The following ZNF526 variants were observed in gnomAD, a reference collection of about 807,000 sequenced individuals.
ZNF526 encodes the protein zinc finger protein 526.
Under a neutral mutation model 32.4 loss-of-function variants are expected in ZNF526, and 16 were observed. That is an observed-to-expected ratio of 0.49 (90% confidence interval 0.33 to 0.75). The LOEUF (loss-of-function observed/expected upper bound fraction) is 0.75, where lower values mean the gene tolerates loss of function less well. Ranked by LOEUF, ZNF526 falls within the 30% of genes least tolerant of loss-of-function variation. The pLI is 0.02. For synonymous variants in ZNF526, 355 were observed against 363.4 expected (o/e 0.98, Z 0.26); for missense variants, 838 against 920.7 (o/e 0.91, Z 1.16).
chr19:42,221,984 T>C (rs995461718), intron 1 of ZNF526, among the ~76,000 whole-genome samples: 6 of 152,006 alleles, frequency 3.9e-5, no homozygotes. Context: ...TCTCAGTCAC[T>C]AAATATGTAC....
chr19:42,225,228 C>CGGG lies in ZNF526; in HGVS notation c.827_829dup (p.Gly276dup), dbSNP rs1014441855. On this transcript the variant is annotated inframe_insertion, in exon 3 of 3. Transcript: ENST00000301215. ...CCACAGCTGGCTGGGCTCAGGGCTG[C>CGGG]GGGGACTGTCCCCAGCACCAGCCCT... is the stretch of plus-strand genomic sequence containing the variant. 1 of 1,613,994 alleles carries CGGG rather than the reference C, an allele frequency of 6.2e-7. No individual in the cohort carries two copies.
In ZNF526 at chr19:42,225,096, GGAGGAGGAGGAAGAGGACGAT is replaced by G; in HGVS notation, c.702_722del (p.Glu234_Glu240del). ...TAGAGAAAGAGGAGCGCAATGGGTT[GGAGGAGGAGGAAGAGGACGAT>G]GAGGAGGATGAAGAAGATGATGAAG... is the stretch of plus-strand genomic sequence containing the variant. On this transcript the variant is annotated inframe_deletion, in exon 3 of 3. Coordinates refer to ENST00000301215, the MANE Select transcript of ZNF526 (RefSeq NM_133444.3). The G allele has an allele frequency of 6.2e-7, 1 of 1,614,134 alleles. No homozygotes were observed. The highest frequency in any genetic ancestry group is 1.3e-5 in the African/African-American group (1 of 75,030).
intron 1 of ZNF526, among the ~76,000 whole-genome samples, chr19:42,221,844 C>G (rs1365210009): frequency 6.6e-6 from 1 of 150,620 alleles, no homozygotes; most frequent in Non-Finnish European, 1.5e-5. Context: ...AAAAAAACCT[C>G]TCAAGGTCTC....
At chr19:42,228,201 TAA>T (rs375259927), downstream of ZNF526, 54 of 134,740 alleles carry the variant, frequency 4.0e-4, no homozygotes, top group Admixed American at 6.0e-4. Context: ...CCCTGTCACT[TAA>T]AAAAAAAAAA....
At chr19:42,221,747 G>GC (rs2036125920) in intron 1 of ZNF526, among the ~76,000 whole-genome samples, 1 of 151,696 alleles carries the variant, frequency 6.6e-6, no homozygotes, top group Non-Finnish European at 1.5e-5. Flanking sequence ...AGTCCAGGAG[G>GC]TGGAGGCCTC....
chr19:42,225,643 G>A lies in ZNF526; in HGVS notation c.1240G>A (p.Gly414Arg), dbSNP rs139652840. The change falls in exon 3 of 3, where the codon GGG (glycine) becomes AGG (arginine). Residue 414 changes from glycine (G) to arginine (R), a missense_variant. Gly to Arg is a moderately radical substitution (Grantham distance 125, BLOSUM62 -2). Transcript: ENST00000301215. The part of the protein sequence containing the change: ...YHRRTHAGKS[G>R]APPTGATAPP... The stretch of plus-strand genomic sequence containing the variant: ...CCGGCGCACTCACGCCGGCAAAAGC[G>A]GGGCACCTCCCACAGGAGCAACAGC... 1.6e-4 allele frequency: 256 copies of A among 1,612,688 alleles called. No individual in the cohort carries two copies. Among genetic ancestry groups the A allele is most frequent in the Non-Finnish European group, 2.1e-4 (247 of 1,179,178 alleles).
At position 42,224,969 on chromosome 19, in the gene ZNF526, C is replaced by T. The variant is rs150807158; in HGVS notation, c.566C>T (p.Pro189Leu). ...PPTPLPPPSP[P>L]SEVKMEPYEC... ...ACACCACTGCCTCCACCTTCTCCCC[C>T]ATCCGAAGTCAAGATGGAGCCCTAT... Residue 189 changes from proline to leucine, a missense_variant, in exon 3 of 3, where the codon CCA (proline) becomes CTA (leucine). Coordinates refer to ENST00000301215, the MANE Select transcript of ZNF526 (RefSeq NM_133444.3). 0.012 allele frequency: 18,837 copies of T among 1,614,236 alleles called. 139 individuals carry two copies. Among genetic ancestry groups the T allele is most frequent in the Non-Finnish European group, 0.014 (17,069 of 1,180,044 alleles).
At position 42,226,549 on chromosome 19, in the gene ZNF526, C is replaced by G; in HGVS notation, c.*133C>G. ...CAGGATCCACCCTGGCCTCTTTTTACCCACTGACTCCCCAGAACAACCCTT... is the reference window on the plus strand; with the variant it reads ...CAGGATCCACCCTGGCCTCTTTTTAGCCACTGACTCCCCAGAACAACCCTT... On this transcript the variant is annotated 3_prime_UTR_variant, in exon 3 of 3. Transcript: ENST00000301215. 1 of 1,170,626 alleles carries G rather than the reference C, an allele frequency of 8.5e-7. No homozygotes were observed. The highest frequency in any genetic ancestry group is 1.3e-5 in the South Asian group (1 of 78,394). 72.5% of individuals were successfully genotyped at this position (1,170,626 alleles called of 1,614,324 possible).
Position 42,224,721 on chromosome 19 carries a change from G to C in ZNF526, c.318G>C (p.Gly106=). Residue 106 remains glycine, a synonymous_variant, in exon 3 of 3, where the codon GGG becomes GGC. Coordinates refer to ENST00000301215, the MANE Select transcript of ZNF526 (RefSeq NM_133444.3). ...CGGAGCTGGTGCCGGGTGCTGAGGG[G>C]CCCTTCCAGTGTGGTGAATGCAGCC... The part of the protein sequence containing the change: ...LEPELVPGAE[G]PFQCGECSQL... 1 of 1,614,120 alleles carries C rather than the reference G, an allele frequency of 6.2e-7. No individual in the cohort carries two copies. Among genetic ancestry groups the C allele is most frequent in the South Asian group, 1.1e-5 (1 of 91,072 alleles).
chr19:42,227,037 G>A lies in ZNF526; in HGVS notation c.*621G>A, dbSNP rs149936817. On this transcript the variant is annotated 3_prime_UTR_variant, in exon 3 of 3. Transcript: ENST00000301215. Reference sequence around the variant, plus strand: ...CTGGTAGGAGAAACGCACAAGTACAGATAGCTTGCTCTCTGAGTGTGTCTC... The same window carrying A: ...CTGGTAGGAGAAACGCACAAGTACAAATAGCTTGCTCTCTGAGTGTGTCTC... The A allele has an allele frequency of 9.5e-4, 180 of 189,472 alleles. 1 individual carries two copies. The highest frequency in any genetic ancestry group is 4.2e-3 in the African/African-American group (175 of 41,996). 11.7% of individuals were successfully genotyped at this position (189,472 alleles called of 1,614,324 possible). A position where few individuals can be genotyped will look rare whatever the true frequency, so the allele number is the denominator to read the frequency against.
In ZNF526 at chr19:42,226,043, G is replaced by A. The variant is rs138398555; in HGVS notation, c.1640G>A (p.Arg547Gln). The change falls in exon 3 of 3, where the codon CGG becomes CAG. Residue 547 changes from arginine (R) to glutamine (Q), a missense_variant. Arg to Gln is a conservative substitution (Grantham distance 43). Coordinates refer to ENST00000301215, the MANE Select transcript of ZNF526 (RefSeq NM_133444.3). Reference sequence around the variant, plus strand: ...CAGAGCTCCAACCTGCAGCAGCACCGGCGGTTGCACTTGCGGCCAGTCGCC... The same window carrying A: ...CAGAGCTCCAACCTGCAGCAGCACCAGCGGTTGCACTTGCGGCCAGTCGCC... ...FTQSSNLQQH[R>Q]RLHLRPVAFA... is the part of the protein sequence containing the mutation. 2.7e-5 allele frequency: 43 copies of A among 1,611,740 alleles called. No homozygotes were observed. Among genetic ancestry groups the A allele is most frequent in the Middle Eastern group, 1.6e-4 (1 of 6,084 alleles).
At chr19:42,224,148 G>GC (rs1445126150) in intron 1 of ZNF526, 67 bp from the exon 2 acceptor site, 1 of 468,376 alleles carries the variant, frequency 2.1e-6, no homozygotes, top group African/African-American at 2.0e-5. Flanking sequence ...GACAGACCAA[G>GC]TCTCTGTCTC....
intron 1 of ZNF526, among the ~76,000 whole-genome samples, chr19:42,224,002 T>TATATATATATATATATATATATAC (rs1491246187): frequency 1.3e-4 from 16 of 126,236 alleles, no homozygotes; most frequent in Admixed American, 4.1e-4. Flanking sequence ...TATATATATA[T>TATATATATATATATATATATATAC]ACAAAAATTA....
rs2036192541 is a variant in ZNF526, at chr19:42,227,602, C to A, written c.*1186C>A. 5 of 154,238 alleles carry A rather than the reference C, an allele frequency of 3.2e-5. No homozygotes were observed. Among genetic ancestry groups the A allele is most frequent in the Admixed American group, 2.6e-4 (4 of 15,278 alleles). 9.6% of individuals were successfully genotyped at this position (154,238 alleles called of 1,614,324 possible). On this transcript the variant is annotated 3_prime_UTR_variant, in exon 3 of 3. Transcript: ENST00000301215. ...TGAAACCCCGTCTCTACTAAAAATA[C>A]AAAAAATTAGCCAGGAGTGGTGGCG...
Position 42,224,296 on chromosome 19 carries a change from G to C in ZNF526, c.-27G>C, listed in dbSNP as rs2036150679. On this transcript the variant is annotated 5_prime_UTR_variant, in exon 2 of 3. Coordinates refer to ENST00000301215, the MANE Select transcript of ZNF526 (RefSeq NM_133444.3). The stretch of plus-strand genomic sequence containing the variant: ...GAAACAGTGGATTAAGACTTCCTGA[G>C]CGATAGCTGGTGAGTAGTGGGATGT... 1 of 932,970 alleles carries C rather than the reference G, an allele frequency of 1.1e-6. No homozygotes were observed. Among genetic ancestry groups the C allele is most frequent in the Admixed American group, 1.9e-5 (1 of 52,564 alleles). 57.8% of individuals were successfully genotyped at this position (932,970 alleles called of 1,614,324 possible). A position where few individuals can be genotyped will look rare whatever the true frequency, so the allele number is the denominator to read the frequency against.
At position 42,226,405 on chromosome 19, in the gene ZNF526, G is replaced by C. The variant is rs758206052; in HGVS notation, c.2002G>C (p.Ala668Pro). The C allele has an allele frequency of 3.0e-5, 49 of 1,614,074 alleles. 2 individuals carry two copies. The Middle Eastern group carries it at 8.2e-4, about 27-fold the overall frequency. Residue 668 changes from alanine to proline, a missense_variant, in exon 3 of 3, where the codon GCC becomes CCC. Ala to Pro is a conservative substitution (Grantham distance 27). Transcript: ENST00000301215. ...EAGGLLQLDT[A>P]FV ...AGGCGGGCTCTTGCAGTTGGACACG[G>C]CCTTCGTGTGACGCAGCTGAAAAGC...
chr19:42,224,341 C>A, intron 2 of ZNF526, 36 bp downstream of exon 2: 1 of 1,442,598 alleles, frequency 6.9e-7, no homozygotes, highest in South Asian at 1.1e-5. Context: ...TTCCACCTCC[C>A]CTTGGTTTCC....
At chr19:42,223,924 A>G (rs1464715220) in intron 1 of ZNF526, among the ~76,000 whole-genome samples, 1 of 146,150 alleles carries the variant, frequency 6.8e-6, no homozygotes, top group Non-Finnish European at 1.5e-5. Flanking sequence ...ACCTGAGGTC[A>G]GGAGTTCAAG....
chr19:42,223,974 A>AATATATAT lies in ZNF526; in HGVS notation c.-108-219_-108-212dup, dbSNP rs35211089. Among the ~76,000 whole-genome samples the AATATATAT allele has an allele frequency of 5.3e-4, 59 of 110,616 alleles. 1 individual carries two copies. Among genetic ancestry groups the AATATATAT allele is most frequent in the East Asian group, 1.9e-3 (7 of 3,746 alleles). 72.6% of individuals were successfully genotyped at this position (110,616 alleles called of 152,430 possible). A position where few individuals can be genotyped will look rare whatever the true frequency, so the allele number is the denominator to read the frequency against. The stretch of plus-strand genomic sequence containing the variant: ...CATGGTGAAACCTTGTCTCTACTAA[A>AATATATAT]ATATATATATATATATATATATATA... On this transcript the variant is annotated intron_variant, in intron 1 of 2. Coordinates refer to ENST00000301215, the MANE Select transcript of ZNF526 (RefSeq NM_133444.3).
Sources: gnomAD v4.1 joint callset for allele counts (sites outside exome capture counted in the v4.1 genomes callset) on GRCh38, gnomAD v4.1.1 for gene constraint, MANE v1.5 for transcripts, NCBI Gene and HGNC (gene_info 2026-07-23, HGNC 2026-07-21) for gene names.